The following KHDRBS2 variants were observed in gnomAD, a reference collection of about 807,000 sequenced individuals.
The protein encoded by KHDRBS2 is KH domain-containing, RNA-binding, signal transduction-associated protein 2.
In KHDRBS2, 26 loss-of-function variants were observed where a neutral mutation model predicts 44.3. The observed-to-expected ratio is 0.59, with a 90% CI of 0.43 to 0.81. The LOEUF is 0.81. Among genes scored for constraint, KHDRBS2 ranks in the 40% least tolerant of loss-of-function variants. The probability of loss-of-function intolerance (pLI) is 0.00; values close to 1 mark genes in which losing one functional copy is unlikely to be tolerated. For missense variants in KHDRBS2, 476 were observed against 433.1 expected (o/e 1.10, Z -0.88); for synonymous variants, 194 against 151.1 (o/e 1.28, Z -2.08).
intron 2 of KHDRBS2, among the ~76,000 whole-genome samples, chr6:62,164,273 T>C (rs1461427159): frequency 2.0e-5 from 3 of 151,934 alleles, no homozygotes; most frequent in Non-Finnish European, 2.9e-5. Context: ...AGGATAGTAT[T>C]ATTAGAATTT....
At chr6:62,045,436 A>G (rs1787466747) in intron 3 of KHDRBS2, among the ~76,000 whole-genome samples, 1 of 151,966 alleles carries the variant, frequency 6.6e-6, no homozygotes, top group South Asian at 2.1e-4. Context: ...CACTGTATCA[A>G]AATTTGCTCC....
chr6:61,703,068 C>A (rs1299053329), intron 7 of KHDRBS2, among the ~76,000 whole-genome samples: 1 of 151,594 alleles, frequency 6.6e-6, no homozygotes, highest in African/African-American at 2.4e-5. Flanking sequence ...GTTTAGAAAC[C>A]TTAATCACTA....
chr6:61,950,011 T>G (rs1764415172), intron 4 of KHDRBS2, among the ~76,000 whole-genome samples: 1 of 152,050 alleles, frequency 6.6e-6, no homozygotes, highest in African/African-American at 2.4e-5. Flanking sequence ...TTACAGCTGA[T>G]AGTTCTGAAA....
At chr6:61,689,189 G>A (rs192056959) in intron 8 of KHDRBS2, among the ~76,000 whole-genome samples, 1 of 152,036 alleles carries the variant, frequency 6.6e-6, no homozygotes, top group East Asian at 1.9e-4. Flanking sequence ...CCCAGCAGCT[G>A]TCAGAACCTT....
intron 2 of KHDRBS2, among the ~76,000 whole-genome samples, chr6:62,112,480 C>T (rs1467629486): frequency 6.6e-6 from 1 of 152,078 alleles, no homozygotes; most frequent in Non-Finnish European, 1.5e-5. Context: ...ATTCAGGCAA[C>T]ACTCAATAAA....
At chr6:61,605,175 C>T in the KHDRBS2 span, among the ~76,000 whole-genome samples, 1 of 152,268 alleles carries the variant, frequency 6.6e-6, no homozygotes, top group South Asian at 2.1e-4. Flanking sequence ...TGTATGGATG[C>T]TCCTTTTTAT....
chr6:62,037,573 A>G (rs9363704), intron 3 of KHDRBS2, among the ~76,000 whole-genome samples: 116,759 of 151,862 alleles, frequency 0.77, 45,689 homozygotes, highest in Non-Finnish European at 0.84. Context: ...CAGTAAGCCC[A>G]CTATTGAGGA....
At chr6:62,267,970 T>G (rs1051621026) in intron 1 of KHDRBS2, among the ~76,000 whole-genome samples, 1 of 152,086 alleles carries the variant, frequency 6.6e-6, no homozygotes, top group Non-Finnish European at 1.5e-5. Flanking sequence ...AAAGTTCCAT[T>G]TTCAAGAAAG....
chr6:61,859,490 A>G (rs1235640628), intron 6 of KHDRBS2, among the ~76,000 whole-genome samples: 1 of 151,920 alleles, frequency 6.6e-6, no homozygotes, highest in East Asian at 1.9e-4. Context: ...AAAGTCGCCC[A>G]TTTATATGGG....
chr6:61,750,877 T>A (rs1777582364), intron 6 of KHDRBS2, among the ~76,000 whole-genome samples: 1 of 152,022 alleles, frequency 6.6e-6, no homozygotes, highest in African/African-American at 2.4e-5. Context: ...TTATTTTGAG[T>A]AGCCTGCATA....
At chr6:61,601,281 C>T in the KHDRBS2 span, among the ~76,000 whole-genome samples, 1 of 152,060 alleles carries the variant, frequency 6.6e-6, no homozygotes, top group Non-Finnish European at 1.5e-5. Context: ...CTCCATGTCT[C>T]TACCCTCTCT....
intron 6 of KHDRBS2, among the ~76,000 whole-genome samples, chr6:61,832,978 C>A (rs965136243): frequency 6.6e-6 from 1 of 152,124 alleles, no homozygotes; most frequent in Admixed American, 6.5e-5. Context: ...TTTATCAAAA[C>A]CTTAATAGAA....
intron 2 of KHDRBS2, among the ~76,000 whole-genome samples, chr6:62,051,301 A>G (rs2127312596): frequency 6.6e-6 from 1 of 152,228 alleles, no homozygotes; most frequent in African/African-American, 2.4e-5. Flanking sequence ...ATAAAAACTC[A>G]TGTAAAATAT....
intron 1 of KHDRBS2, among the ~76,000 whole-genome samples, chr6:62,201,318 A>G (rs1826945180): frequency 1.3e-5 from 2 of 152,074 alleles, no homozygotes. Context: ...TAGAACAGAA[A>G]AGGTATAGTT....
intron 1 of KHDRBS2, among the ~76,000 whole-genome samples, chr6:62,203,068 T>C (rs1384070170): frequency 6.6e-6 from 1 of 152,092 alleles, no homozygotes; most frequent in Non-Finnish European, 1.5e-5. Context: ...TTCAGTAAAA[T>C]TTATTGAAGG....
intron 1 of KHDRBS2, among the ~76,000 whole-genome samples, chr6:62,246,376 T>C (rs1250617575): frequency 1.3e-5 from 2 of 151,924 alleles, no homozygotes; most frequent in Non-Finnish European, 2.9e-5. Flanking sequence ...TGAGATACTC[T>C]ATAAGAAAAA....
intron 5 of KHDRBS2, among the ~76,000 whole-genome samples, chr6:61,895,231 G>T (rs1159045253): frequency 6.6e-6 from 1 of 151,632 alleles, no homozygotes; most frequent in South Asian, 2.1e-4. Flanking sequence ...TGACTCACTG[G>T]ACCATCTCTG....
chr6:61,889,847 C>T (rs1801555663), intron 6 of KHDRBS2, among the ~76,000 whole-genome samples: 1 of 152,166 alleles, frequency 6.6e-6, no homozygotes, highest in African/African-American at 2.4e-5. Context: ...CCTTGCTGAT[C>T]CCCAAATATT....
rs979193814 is a variant in KHDRBS2, at chr6:61,947,555, T to A, written c.483+30511A>T. 2.6e-5 allele frequency among the ~76,000 whole-genome samples: 4 copies of A among 151,966 alleles called. No individual in the cohort carries two copies. The East Asian group carries it at 7.7e-4, about 29-fold the overall frequency. Reference sequence around the variant, plus strand: ...GGCTAAGGGGAAATGCAGTATCAGGTTTTGCAGCCAAGAATCCTTGACAGA... The same window carrying A: ...GGCTAAGGGGAAATGCAGTATCAGGATTTGCAGCCAAGAATCCTTGACAGA... On this transcript the variant is annotated intron_variant, in intron 4 of 8. Coordinates refer to ENST00000281156, the MANE Select transcript of KHDRBS2 (RefSeq NM_152688.4).
Sources: allele counts gnomAD v4.1 joint callset (sites outside exome capture counted in the v4.1 genomes callset), GRCh38; gene constraint gnomAD v4.1.1; transcripts MANE v1.5; gene names NCBI Gene and HGNC (gene_info 2026-07-23, HGNC 2026-07-21).